The following CEP128 variants were observed in gnomAD, a reference collection of about 807,000 sequenced individuals.
CEP128 encodes centrosomal protein 128kDa.
In CEP128, 132 loss-of-function variants were observed where a neutral mutation model predicts 156.7. The ratio of observed to expected loss-of-function variants is 0.84; its 90% CI spans 0.73 to 0.97. The LOEUF (loss-of-function observed/expected upper bound fraction) is 0.97. CEP128 is among the 50% of genes least tolerant of loss of function. The pLI, the probability that CEP128 is intolerant of heterozygous loss-of-function variation, is 0.00. For synonymous variants in CEP128, 469 were observed against 448.9 expected, an observed-to-expected ratio of 1.04 and a Z score of -0.57; for missense variants, 1,252 against 1,281.9, an observed-to-expected ratio of 0.98 and a Z score of 0.36.
At chr14:80,640,021 T>C (rs1793484332) in intron 19 of CEP128, among the ~76,000 whole-genome samples, 2 of 152,268 alleles carry the variant, frequency 1.3e-5, no homozygotes, top group South Asian at 4.1e-4. Context: ...AACAAAGCAT[T>C]GTCTCAAACT....
At chr14:80,894,737 T>G (rs1019143592) in intron 8 of CEP128, 2 of 328,160 alleles carry the variant, frequency 6.1e-6, no homozygotes, top group Admixed American at 4.6e-5. Context: ...TATTCATATT[T>G]TTAAAATAAG....
At position 80,550,206 on chromosome 14, in the gene CEP128, T is replaced by C. The variant is rs943276260; in HGVS notation, c.2880+9073A>G. Among the ~76,000 whole-genome samples the C allele has an allele frequency of 4.6e-5, 7 of 152,244 alleles. No individual in the cohort carries two copies. In the East Asian group the frequency reaches 1.3e-3, roughly 29 times the overall value. On this transcript the variant is annotated intron_variant, in intron 21 of 24. Coordinates refer to ENST00000555265, the MANE Select transcript of CEP128 (RefSeq NM_152446.5). ...AAGTTGTGTTAGCTCTGTAAGTATG[T>C]TTTGAAAATAAGGGAGATAAGATTT... is the stretch of plus-strand genomic sequence containing the variant.
chr14:80,626,910 C>A (rs1357519997), intron 19 of CEP128, among the ~76,000 whole-genome samples: 1 of 152,196 alleles, frequency 6.6e-6, no homozygotes, highest in East Asian at 1.9e-4. Context: ...CCCGCCTGGG[C>A]AACAGAGCAG....
intron 23 of CEP128, among the ~76,000 whole-genome samples, chr14:80,515,710 T>C (rs181527289): frequency 1.3e-3 from 194 of 152,260 alleles, no homozygotes; most frequent in African/African-American, 4.6e-3. Flanking sequence ...TTGCCCAAGC[T>C]GCAAGACAAA....
At chr14:80,758,807 A>G (rs998628613) in intron 17 of CEP128, among the ~76,000 whole-genome samples, 1 of 152,198 alleles carries the variant, frequency 6.6e-6, no homozygotes, top group African/African-American at 2.4e-5. Context: ...CTATAATAGC[A>G]CCTTCTATAT....
At chr14:80,708,986 T>C (rs970183700) in intron 19 of CEP128, among the ~76,000 whole-genome samples, 3 of 152,048 alleles carry the variant, frequency 2.0e-5, no homozygotes, top group African/African-American at 7.2e-5. Context: ...AGATTTTCTA[T>C]TCTGTTCTAG....
At chr14:80,734,934 T>C (rs1898458510) in intron 19 of CEP128, among the ~76,000 whole-genome samples, 1 of 151,792 alleles carries the variant, frequency 6.6e-6, no homozygotes, top group South Asian at 2.1e-4. Flanking sequence ...TCCTCTTGAA[T>C]TTAGTTTTCA....
At chr14:80,930,996 G>C (rs1885427498) in intron 2 of CEP128, among the ~76,000 whole-genome samples, 1 of 152,210 alleles carries the variant, frequency 6.6e-6, no homozygotes, top group Admixed American at 6.5e-5. Context: ...AGAGGATAGT[G>C]AGGTACAACT....
At position 80,900,038 on chromosome 14, in the gene CEP128, G is replaced by T; in HGVS notation, c.481-9C>A. The T allele has an allele frequency of 6.3e-7, 1 of 1,575,374 alleles. No individual in the cohort carries two copies. Among genetic ancestry groups the T allele is most frequent in the Non-Finnish European group, 8.7e-7 (1 of 1,147,900 alleles). Reference sequence around the variant, plus strand: ...TGATGAAAACCATGAAGCTAGCAAAGGCAAAACACAGTTATCCATTTAGAA... The same window carrying T: ...TGATGAAAACCATGAAGCTAGCAAATGCAAAACACAGTTATCCATTTAGAA... On this transcript the variant is annotated splice_polypyrimidine_tract_variant and intron_variant, in intron 6 of 24. Coordinates refer to ENST00000555265, the MANE Select transcript of CEP128 (RefSeq NM_152446.5).
At chr14:80,560,781 G>A (rs976067795) in intron 20 of CEP128, among the ~76,000 whole-genome samples, 4 of 152,084 alleles carry the variant, frequency 2.6e-5, no homozygotes, top group African/African-American at 7.2e-5. Flanking sequence ...AACACTGTAC[G>A]CCACGTTCTT....
chr14:80,860,310 A>G (rs182010190), intron 9 of CEP128, among the ~76,000 whole-genome samples: 9 of 152,300 alleles, frequency 5.9e-5, no homozygotes, highest in Admixed American at 2.6e-4. Context: ...TATGAAATTA[A>G]ATAGTTCTTA....
intron 16 of CEP128, among the ~76,000 whole-genome samples, chr14:80,776,824 GA>G (rs1459836244): frequency 6.6e-6 from 1 of 152,018 alleles, no homozygotes; most frequent in East Asian, 1.9e-4. Context: ...ACCCTTTTAG[GA>G]AGTGGGTGAA....
intron 15 of CEP128, among the ~76,000 whole-genome samples, chr14:80,778,532 A>C (rs749821894): frequency 6.6e-6 from 1 of 152,194 alleles, no homozygotes; most frequent in Non-Finnish European, 1.5e-5. Context: ...GTTTCTATGA[A>C]ATAATGGTGT....
chr14:80,503,138 A>G (rs1052206884), intron 24 of CEP128, among the ~76,000 whole-genome samples: 1 of 152,196 alleles, frequency 6.6e-6, no homozygotes, highest in African/African-American at 2.4e-5. Flanking sequence ...TGGATTAATC[A>G]GTTAATTAAT....
At chr14:80,742,421 C>A (rs936371936) in intron 19 of CEP128, among the ~76,000 whole-genome samples, 1 of 152,084 alleles carries the variant, frequency 6.6e-6, no homozygotes, top group East Asian at 1.9e-4. Context: ...TTTTCCAATT[C>A]CACTACCAAG....
chr14:80,687,716 C>A (rs1896575622), intron 19 of CEP128, among the ~76,000 whole-genome samples: 2 of 152,000 alleles, frequency 1.3e-5, no homozygotes, highest in South Asian at 4.2e-4. Flanking sequence ...GCATATGTAA[C>A]CCTGAATCTA....
intron 9 of CEP128, among the ~76,000 whole-genome samples, chr14:80,851,926 A>C (rs1886910825): frequency 1.3e-5 from 2 of 152,056 alleles, no homozygotes; most frequent in South Asian, 4.1e-4. Flanking sequence ...ATTATACATA[A>C]GATACCACAT....
intron 18 of CEP128, among the ~76,000 whole-genome samples, chr14:80,744,033 GCTAA>G (rs1294365754): frequency 1.3e-5 from 2 of 151,774 alleles, no homozygotes; most frequent in African/African-American, 4.8e-5. Context: ...ACCATGTCTG[GCTAA>G]CTGTTTTTTG....
intron 13 of CEP128, among the ~76,000 whole-genome samples, chr14:80,813,235 A>G (rs1477709038): frequency 2.0e-5 from 3 of 151,992 alleles, no homozygotes; most frequent in Non-Finnish European, 4.4e-5. Context: ...TCACTTGCCA[A>G]TTTTTGTTTT....
Sources: allele counts gnomAD v4.1 joint callset (sites outside exome capture counted in the v4.1 genomes callset), GRCh38; gene constraint gnomAD v4.1.1; transcripts MANE v1.5; gene names NCBI Gene and HGNC (gene_info 2026-07-23, HGNC 2026-07-21).